DSE: variants seen among roughly 807,000 people sequenced by gnomAD.
DSE encodes dermatan-sulfate epimerase.
Under a neutral mutation model 84.4 loss-of-function variants are expected in DSE, and 36 were observed. That is an observed-to-expected ratio of 0.43 (90% CI 0.33 to 0.56). DSE has a LOEUF of 0.56. DSE is among the 20% of genes least tolerant of loss of function. The probability of loss-of-function intolerance (pLI) is 0.06; values close to 1 mark genes in which losing one functional copy is unlikely to be tolerated. For missense variants in DSE, 862 were observed against 1,169.6 expected, an observed-to-expected ratio of 0.74 and a Z score of 3.84; for synonymous variants, 410 against 430.1, an observed-to-expected ratio of 0.95 and a Z score of 0.58.
At chr6:116,320,321 A>G (rs1477303814) in intron 2 of DSE, among the ~76,000 whole-genome samples, 1 of 152,046 alleles carries the variant, frequency 6.6e-6, no homozygotes, top group East Asian at 1.9e-4. Flanking sequence ...GACTTTCTGA[A>G]TCTTGTTTTC....
At chr6:116,389,009 A>G (rs1780732771) in intron 1 of DSE, among the ~76,000 whole-genome samples, 1 of 152,170 alleles carries the variant, frequency 6.6e-6, no homozygotes, top group South Asian at 2.1e-4. Flanking sequence ...TAAACAATGC[A>G]TTGTACATAT....
chr6:116,424,100 G>C (rs1783268984), intron 2 of DSE, among the ~76,000 whole-genome samples: 1 of 152,098 alleles, frequency 6.6e-6, no homozygotes, highest in South Asian at 2.1e-4. Flanking sequence ...CTTTATCATG[G>C]GTCGGTGTAT....
chr6:116,433,296 T>C (rs1783958095), intron 4 of DSE, 47 bp from the exon 5 acceptor site: 1 of 1,523,328 alleles, frequency 6.6e-7, no homozygotes, highest in Non-Finnish European at 8.9e-7. Context: ...TATATAGGAG[T>C]GTGAAGTTTT....
chr6:116,399,585 T>A lies in DSE; in HGVS notation c.335T>A (p.Phe112Tyr). 2.5e-6 allele frequency: 4 copies of A among 1,614,220 alleles called. No homozygotes were observed. Among genetic ancestry groups the A allele is most frequent in the Non-Finnish European group, 3.4e-6 (4 of 1,180,042 alleles). Residue 112 changes from phenylalanine (F) to tyrosine (Y), a missense_variant, in exon 2 of 6, where the codon TTC (phenylalanine) becomes TAC (tyrosine). This residue lies in a region of DSE where 309 missense variants were observed against 516.9 expected (regional missense o/e 0.60). Coordinates refer to ENST00000644252, the MANE Select transcript of DSE (RefSeq NM_013352.4). ...AACAACTTGGGTGCCTTGGCAATGT[T>A]CTGTGTGCTGTATCCTGAGAACATT... ...FGNNLGALAM[F>Y]CVLYPENIEA...
At chr6:116,365,701 G>T (rs1271994771), upstream of DSE, among the ~76,000 whole-genome samples, 1 of 152,212 alleles carries the variant, frequency 6.6e-6, no homozygotes, top group African/African-American at 2.4e-5. Context: ...ATCCTAGAAG[G>T]AATTAAATCA....
intron 2 of DSE, among the ~76,000 whole-genome samples, chr6:116,306,855 G>A (rs1015547014): frequency 7.9e-5 from 12 of 152,252 alleles, no homozygotes; most frequent in South Asian, 2.1e-4. Flanking sequence ...CAACAAGAAG[G>A]CTGCCATCTA....
At chr6:116,423,926 TAAAC>T (rs1368412544) in intron 2 of DSE, among the ~76,000 whole-genome samples, 3 of 152,314 alleles carry the variant, frequency 2.0e-5, no homozygotes, top group Non-Finnish European at 2.9e-5. Context: ...CTGTTTGAAA[TAAAC>T]AAACTGCAGG....
intron 1 of DSE, among the ~76,000 whole-genome samples, chr6:116,374,215 A>G (rs1779783863): frequency 1.3e-5 from 2 of 152,244 alleles, no homozygotes; most frequent in African/African-American, 4.8e-5. Context: ...TGTAGCATAT[A>G]TTAAATATTA....
intron 2 of DSE, among the ~76,000 whole-genome samples, chr6:116,293,386 C>T (rs1774424076): frequency 6.6e-6 from 1 of 151,986 alleles, no homozygotes; most frequent in African/African-American, 2.4e-5. Context: ...ATTCTCCTGC[C>T]TCAGACTCCC....
At position 116,340,757 on chromosome 6, in the gene DSE, C is replaced by A. The variant is rs145691951; in HGVS notation, c.-53-58441C>A. ...TGTGGTGTTTGGTTTTCTGTCCTTG[C>A]GATAGTTTGCTCAGAATGATGGTTT... On this transcript the variant is annotated intron_variant, in intron 2 of 3. Coordinates refer to the DSE transcript ENST00000430252. Among the ~76,000 whole-genome samples the A allele has an allele frequency of 2.9e-3, 441 of 151,992 alleles. 8 individuals carry two copies. Among genetic ancestry groups the A allele is most frequent in the Non-Finnish European group, 6.9e-4 (47 of 67,980 alleles).
intron 2 of DSE, among the ~76,000 whole-genome samples, chr6:116,327,739 T>C (rs1258111996): frequency 2.0e-5 from 3 of 152,248 alleles, no homozygotes; most frequent in Non-Finnish European, 4.4e-5. Context: ...CCATTCTACA[T>C]ATTTTCTAGA....
chr6:116,292,351 C>T (rs1774335738), intron 2 of DSE, among the ~76,000 whole-genome samples: 1 of 152,000 alleles, frequency 6.6e-6, no homozygotes, highest in Non-Finnish European at 1.5e-5. Context: ...GGGATGCAGC[C>T]ATATTGAGTG....
chr6:116,295,202 G>A (rs1223539058), intron 2 of DSE, among the ~76,000 whole-genome samples: 1 of 152,174 alleles, frequency 6.6e-6, no homozygotes, highest in Non-Finnish European at 1.5e-5. Context: ...CAGAAGAAAG[G>A]TGGGAGAGGA....
At chr6:116,281,490 C>T (rs1773530382) in intron 2 of DSE, among the ~76,000 whole-genome samples, 1 of 152,214 alleles carries the variant, frequency 6.6e-6, no homozygotes, top group Non-Finnish European at 1.5e-5. Context: ...GCCCCTTCTA[C>T]CTTGCTCATG....
At chr6:116,359,449 A>G (rs1199292416) in intron 2 of DSE, among the ~76,000 whole-genome samples, 2 of 152,194 alleles carry the variant, frequency 1.3e-5, no homozygotes, top group African/African-American at 4.8e-5. Flanking sequence ...TCAACCATCT[A>G]TGATCAAATT....
chr6:116,353,717 T>C (rs1562249279), intron 2 of DSE, among the ~76,000 whole-genome samples: 1 of 152,196 alleles, frequency 6.6e-6, no homozygotes. Context: ...GATCTGACTG[T>C]CTCCAACCAT....
intron 1 of DSE, among the ~76,000 whole-genome samples, chr6:116,390,990 A>C (rs1416966719): frequency 1.3e-5 from 2 of 152,242 alleles, no homozygotes; most frequent in Non-Finnish European, 2.9e-5. Context: ...ATTTAGTTAG[A>C]TAGCCACTAC....
chr6:116,374,494 A>G (rs1363265152), intron 1 of DSE, among the ~76,000 whole-genome samples: 1 of 152,214 alleles, frequency 6.6e-6, no homozygotes, highest in Non-Finnish European at 1.5e-5. Context: ...AACCCTACTA[A>G]AAGAATGTGC....
chr6:116,257,138 C>T (rs1175224288), intron 1 of DSE: 1 of 152,142 alleles, frequency 6.6e-6, no homozygotes, highest in African/African-American at 2.4e-5. Context: ...GATATAGTTT[C>T]TGGTTCATTA....
Sources: allele counts gnomAD v4.1 joint callset (sites outside exome capture counted in the v4.1 genomes callset), GRCh38; gene constraint gnomAD v4.1.1; regional missense constraint gnomAD v4.1.1; transcripts MANE v1.5; gene names NCBI Gene and HGNC (gene_info 2026-07-23, HGNC 2026-07-21).